Variants in CTNNA2 observed in about 807,000 individuals in gnomAD.
CTNNA2 encodes catenin alpha-2.
CTNNA2 carries 42 observed loss-of-function variants against 101.0 expected under a neutral mutation model. The ratio of observed to expected loss-of-function variants is 0.42; its 90% CI spans 0.32 to 0.54. The LOEUF (loss-of-function observed/expected upper bound fraction) is 0.54, where lower values mean the gene tolerates loss of function less well. Among genes scored for constraint, CTNNA2 ranks in the 20% least tolerant of loss-of-function variants. CTNNA2 has a pLI of 0.14. For synonymous variants in CTNNA2, 450 were observed against 456.4 expected (o/e 0.99, Z 0.18); for missense variants, 871 against 1,223.1 (o/e 0.71, Z 4.29).
At chr2:79,487,680 C>T (rs1334469610) in intron 4 of CTNNA2, among the ~76,000 whole-genome samples, 1 of 152,174 alleles carries the variant, frequency 6.6e-6, no homozygotes, top group Non-Finnish European at 1.5e-5. Flanking sequence ...ACACGATCAG[C>T]TCATTTGGGG....
At chr2:79,590,203 C>T (rs940987819) in intron 1 of CTNNA2, among the ~76,000 whole-genome samples, 1 of 152,194 alleles carries the variant, frequency 6.6e-6, no homozygotes, top group Non-Finnish European at 1.5e-5. Context: ...TTTCCTCTAG[C>T]AACTTTGCTG....
At chr2:79,682,990 C>T (rs1511179) in intron 2 of CTNNA2, among the ~76,000 whole-genome samples, 100,670 of 152,168 alleles carry the variant, frequency 0.66, 33,508 homozygotes, top group East Asian at 0.89. Flanking sequence ...TATTAAAACA[C>T]GAGTATTAGA....
chr2:80,120,560 G>T (rs1558827473), intron 7 of CTNNA2, among the ~76,000 whole-genome samples: 1 of 152,164 alleles, frequency 6.6e-6, no homozygotes, highest in Non-Finnish European at 1.5e-5. Flanking sequence ...TCTTTCTAAT[G>T]CCTTCCTTGC....
intron 7 of CTNNA2, among the ~76,000 whole-genome samples, chr2:80,387,976 C>T (rs1677168228): frequency 6.6e-6 from 1 of 152,162 alleles, no homozygotes; most frequent in Non-Finnish European, 1.5e-5. Flanking sequence ...CTATTGCACA[C>T]TCATTCTCTG....
intron 9 of CTNNA2, among the ~76,000 whole-genome samples, chr2:80,503,493 T>C (rs1405148364): frequency 6.6e-6 from 1 of 152,188 alleles, no homozygotes; most frequent in Non-Finnish European, 1.5e-5. Flanking sequence ...CTAATTCGTA[T>C]GAAGTGGGAG....
In CTNNA2 at chr2:80,142,093, C is replaced by T. The variant is rs143561910; in HGVS notation, c.1056+232296C>T. Reference sequence around the variant, plus strand: ...GATCCCAAGCTTTTAGAGAAAGCTTCGCCTCCTAAACCAATTGCAAATTAG... The same window carrying T: ...GATCCCAAGCTTTTAGAGAAAGCTTTGCCTCCTAAACCAATTGCAAATTAG... On this transcript the variant is annotated intron_variant, in intron 7 of 18. Coordinates refer to ENST00000402739, the MANE Select transcript of CTNNA2 (RefSeq NM_001282597.3). 2.9e-4 allele frequency among the ~76,000 whole-genome samples: 44 copies of T among 152,230 alleles called. No homozygotes were observed. In the East Asian group the frequency reaches 6.6e-3, roughly 23 times the overall value.
At chr2:79,976,837 C>T (rs190607368) in intron 7 of CTNNA2, among the ~76,000 whole-genome samples, 1 of 152,158 alleles carries the variant, frequency 6.6e-6, no homozygotes, top group African/African-American at 2.4e-5. Flanking sequence ...CAGAGAACAG[C>T]AATCATACTT....
At chr2:80,086,017 A>G (rs1573032239) in intron 7 of CTNNA2, among the ~76,000 whole-genome samples, 1 of 152,198 alleles carries the variant, frequency 6.6e-6, no homozygotes, top group Admixed American at 6.5e-5. Context: ...ATGTGCAGAT[A>G]TTTGGGAATA....
intron 4 of CTNNA2, among the ~76,000 whole-genome samples, chr2:79,455,565 CTTG>C (rs1670812795): frequency 6.6e-6 from 1 of 152,238 alleles, no homozygotes; most frequent in South Asian, 2.1e-4. Context: ...TCCACTCTCC[CTTG>C]TTGTTGTCTA....
At chr2:79,231,903 A>T (rs143693458) in intron 2 of CTNNA2, among the ~76,000 whole-genome samples, 1,816 of 152,226 alleles carry the variant, frequency 0.012, 24 homozygotes, top group Non-Finnish European at 0.019. Flanking sequence ...TCTATAGCTG[A>T]TCTTGTATCC....
At chr2:80,075,620 A>ATTTTTT (rs564646511) in intron 7 of CTNNA2, among the ~76,000 whole-genome samples, 2 of 106,510 alleles carry the variant, frequency 1.9e-5, no homozygotes, top group South Asian at 5.2e-4. Context: ...ATGTATAAAT[A>ATTTTTT]TAAATATTTA....
At chr2:79,385,669 G>T (rs1488152577) in intron 4 of CTNNA2, among the ~76,000 whole-genome samples, 2 of 151,834 alleles carry the variant, frequency 1.3e-5, no homozygotes, top group Admixed American at 6.6e-5. Flanking sequence ...TTGTCCTAAT[G>T]CTCTCCCTCC....
At chr2:79,523,309 G>A in intron 1 of CTNNA2, 1 of 440,042 alleles carries the variant, frequency 2.3e-6, no homozygotes, top group Non-Finnish European at 4.6e-6. Context: ...TAGAGGTGAA[G>A]GTTTGTGTAG....
intron 7 of CTNNA2, among the ~76,000 whole-genome samples, chr2:80,204,348 G>T (rs1707396366): frequency 6.6e-6 from 1 of 152,104 alleles, no homozygotes. Flanking sequence ...CTTTAAAACT[G>T]AATGCTTAAC....
chr2:79,439,177 C>T (rs1678750615), intron 4 of CTNNA2, among the ~76,000 whole-genome samples: 1 of 152,162 alleles, frequency 6.6e-6, no homozygotes, highest in Admixed American at 6.5e-5. Context: ...CACTGTCCAT[C>T]AACTGACAAA....
intron 8 of CTNNA2, among the ~76,000 whole-genome samples, chr2:80,413,892 T>C (rs922393040): frequency 2.6e-5 from 4 of 152,228 alleles, no homozygotes; most frequent in Non-Finnish European, 4.4e-5. Flanking sequence ...ATTTCTTAAA[T>C]CATTGTAATG....
At chr2:80,502,666 C>T (rs1348541214) in intron 9 of CTNNA2, among the ~76,000 whole-genome samples, 2 of 152,150 alleles carry the variant, frequency 1.3e-5, no homozygotes, top group African/African-American at 4.8e-5. Context: ...TCAGGCAGCT[C>T]ATCATTTGGT....
At chr2:80,103,570 G>T (rs1700684310) in intron 7 of CTNNA2, among the ~76,000 whole-genome samples, 1 of 152,162 alleles carries the variant, frequency 6.6e-6, no homozygotes, top group African/African-American at 2.4e-5. Flanking sequence ...CTGACTGCCT[G>T]CAAGTTAGTA....
intron 7 of CTNNA2, among the ~76,000 whole-genome samples, chr2:79,949,916 C>CTGTAATTGTTGGAGGATTGATTTTTTT (rs1688763820): frequency 6.6e-6 from 1 of 152,088 alleles, no homozygotes; most frequent in Non-Finnish European, 1.5e-5. Context: ...AATATATTAA[C>CTGTAATTGTTGGAGGATTGATTTTTTT]TGTAATTGTT....
Sources: allele counts gnomAD v4.1 joint callset (sites outside exome capture counted in the v4.1 genomes callset), GRCh38; gene constraint gnomAD v4.1.1; transcripts MANE v1.5; gene names NCBI Gene and HGNC (gene_info 2026-07-23, HGNC 2026-07-21).